MYO19: variants seen among roughly 807,000 people sequenced by gnomAD.
MYO19 encodes the protein myosin XIX, also known as unconventional myosin-XIX.
Under a neutral mutation model 129.2 loss-of-function variants are expected in MYO19, and 132 were observed. The ratio of observed to expected loss-of-function variants is 1.02; its 90% CI spans 0.89 to 1.18. MYO19 has a LOEUF of 1.18. MYO19 is among the 50% of genes most tolerant of loss of function. The pLI is 0.00. For synonymous variants in MYO19, 531 were observed against 477.2 expected (o/e 1.11, Z -1.47); for missense variants, 1,210 against 1,216.7 (o/e 0.99, Z 0.08).
chr17:36,496,141 C>T lies in MYO19; in HGVS notation c.*110G>A. On this transcript the variant is annotated 3_prime_UTR_variant, in exon 26 of 26. Transcript: ENST00000614623. ...GAAGGCTGGAGCCGTCACTGTTGTT[C>T]ATGTGCATTTGGAGCACTGTGGGAA... is the stretch of plus-strand genomic sequence containing the variant. The T allele has an allele frequency of 7.0e-7, 1 of 1,419,058 alleles. No individual in the cohort carries two copies. The highest frequency in any genetic ancestry group is 9.7e-7 in the Non-Finnish European group (1 of 1,027,214). 87.9% of individuals were successfully genotyped at this position (1,419,058 alleles called of 1,614,324 possible). A position where few individuals can be genotyped will look rare whatever the true frequency, so the allele number is the denominator to read the frequency against.
At chr17:36,497,635 A>C in intron 25 of MYO19, 1 of 761,138 alleles carries the variant, frequency 1.3e-6, no homozygotes, top group Non-Finnish European at 1.6e-6. Context: ...CCCAGGCTGG[A>C]GTGCAGCGGC....
intron 14 of MYO19, 142 bp from the exon 15 acceptor site, chr17:36,508,066 G>T: frequency 1.2e-6 from 1 of 864,732 alleles, no homozygotes; most frequent in Non-Finnish European, 1.7e-6. Context: ...CATGACACCT[G>T]TGGTGGGCAG....
At chr17:36,527,747 CCA>C (rs748648074) in intron 4 of MYO19, 48 bp from the exon 5 acceptor site, 6 of 1,575,498 alleles carry the variant, frequency 3.8e-6, no homozygotes, top group East Asian at 2.2e-5. Context: ...TATAGTCAAA[CCA>C]CACACACAGA....
At chr17:36,499,743 G>GT (rs1274237971) in intron 23 of MYO19, 2 of 113,908 alleles carry the variant, frequency 1.8e-5, no homozygotes, top group Non-Finnish European at 3.3e-5. Flanking sequence ...ACAGCTTATT[G>GT]TAGCCTCCGT....
chr17:36,505,751 G>A (rs930108889), intron 18 of MYO19, among the ~76,000 whole-genome samples: 6 of 152,132 alleles, frequency 3.9e-5, no homozygotes, highest in African/African-American at 7.2e-5. Flanking sequence ...CTTGCCATTC[G>A]TCCAGCAACA....
intron 5 of MYO19, among the ~76,000 whole-genome samples, chr17:36,526,093 A>C (rs537008111): frequency 1.3e-5 from 2 of 152,260 alleles, no homozygotes; most frequent in East Asian, 1.9e-4. Flanking sequence ...CAACTGTTCC[A>C]TATGGCGTCA....
At chr17:36,522,715 A>G (rs2073213276) in intron 6 of MYO19, among the ~76,000 whole-genome samples, 2 of 151,704 alleles carry the variant, frequency 1.3e-5, no homozygotes, top group African/African-American at 4.8e-5. Flanking sequence ...CTAAAAATAT[A>G]AAACTTAGCA....
intron 6 of MYO19, among the ~76,000 whole-genome samples, chr17:36,517,317 T>A (rs1240615266): frequency 1.3e-5 from 2 of 152,202 alleles, no homozygotes; most frequent in African/African-American, 2.4e-5. Flanking sequence ...TGGAGTGCAG[T>A]GGCACGATCT....
At chr17:36,500,040 G>C (rs1414781822) in intron 23 of MYO19, 1 of 151,926 alleles carries the variant, frequency 6.6e-6, no homozygotes, top group African/African-American at 2.4e-5. Context: ...TGTATTTTTA[G>C]TAGAGAAAGG....
chr17:36,501,041 T>TA, intron 22 of MYO19, 28 bp downstream of exon 22: 2 of 1,603,686 alleles, frequency 1.2e-6, no homozygotes, highest in Non-Finnish European at 1.7e-6. Flanking sequence ...CTTGCCTCTG[T>TA]AACCTCCTCA....
chr17:36,538,099 T>C (rs1404931890), upstream of MYO19: 4 of 1,614,096 alleles, frequency 2.5e-6, no homozygotes, highest in Admixed American at 5.0e-5. Flanking sequence ...CGATCACATA[T>C]CAAAGACTTG....
intron 6 of MYO19, among the ~76,000 whole-genome samples, chr17:36,516,769 CACTG>C (rs2142130530): frequency 6.6e-6 from 1 of 152,356 alleles, no homozygotes; most frequent in South Asian, 2.1e-4. Flanking sequence ...CATAGAAATA[CACTG>C]TCTTTACATA....
rs186358759 is a variant in MYO19, at chr17:36,522,639, G to A, written c.414+2589C>T. Among the ~76,000 whole-genome samples, 5 of 152,192 alleles carry A rather than the reference G, an allele frequency of 3.3e-5. No homozygotes were observed. In the East Asian group the frequency reaches 9.7e-4, roughly 29 times the overall value. On this transcript the variant is annotated intron_variant, in intron 6 of 25. Transcript: ENST00000614623. ...AAACCCAGCACTTTGGGAGGCCAAC[G>A]CGGGAAGATCACTTGAGGCCAGGAG... is the stretch of plus-strand genomic sequence containing the variant.
At chr17:36,537,408 T>C (rs762575873), upstream of MYO19, 4 of 1,614,020 alleles carry the variant, frequency 2.5e-6, no homozygotes, top group Admixed American at 6.7e-5. Flanking sequence ...AAGGAGGACC[T>C]GCTATGCCAG....
In MYO19 at chr17:36,513,618, G is replaced by A. The variant is rs1221016330; in HGVS notation, c.817+11C>T. ...GGGTCAGCGCAAGGTGCTGGATGGGGCTCCCCTTACCTTCTAAGCTCCTCT... is the reference window on the plus strand; with the variant it reads ...GGGTCAGCGCAAGGTGCTGGATGGGACTCCCCTTACCTTCTAAGCTCCTCT... On this transcript the variant is annotated intron_variant, in intron 10 of 25. Coordinates refer to ENST00000614623, the MANE Select transcript of MYO19 (RefSeq NM_001163735.2). 1.2e-6 allele frequency: 2 copies of A among 1,613,954 alleles called. No homozygotes were observed. Among genetic ancestry groups the A allele is most frequent in the African/African-American group, 2.7e-5 (2 of 75,062 alleles).
In MYO19 at chr17:36,499,063, G is replaced by A. The variant is rs767168320; in HGVS notation, c.2463+12C>T. The A allele has an allele frequency of 1.0e-5, 16 of 1,597,068 alleles. No homozygotes were observed. In the African/African-American group the frequency reaches 1.6e-4, roughly 16 times the overall value. ...ATCCACTGCCCACCCCGACTTCTTG[G>A]GTCTTACTTACTCTCCACTTCTGCC... is the stretch of plus-strand genomic sequence containing the variant. On this transcript the variant is annotated intron_variant, in intron 24 of 25. Transcript: ENST00000614623.
chr17:36,515,951 C>T lies in MYO19; in HGVS notation c.454G>A (p.Val152Met), dbSNP rs772495897. 2 of 1,613,682 alleles carry T rather than the reference C, an allele frequency of 1.2e-6. No homozygotes were observed. Among genetic ancestry groups the T allele is most frequent in the South Asian group, 1.1e-5 (1 of 91,056 alleles). ...SRCLMKFYAV[V>M]ATSPASWESH... ...TCCCAAGATGCAGGTGAGGTGGCCA[C>T]CACAGCATAGAACTTCATTAGGCAG... The change falls in exon 7 of 26, where the codon GTG (valine) becomes ATG (methionine). Residue 152 changes from valine (V) to methionine (M), a missense_variant. By Grantham distance (21) the Val-to-Met change is conservative. Coordinates refer to ENST00000614623, the MANE Select transcript of MYO19 (RefSeq NM_001163735.2).
At position 36,496,345 on chromosome 17, in the gene MYO19, G is replaced by A; in HGVS notation, c.2819C>T (p.Pro940Leu). The A allele has an allele frequency of 6.2e-7, 1 of 1,614,002 alleles. No individual in the cohort carries two copies. Among genetic ancestry groups the A allele is most frequent in the Non-Finnish European group, 8.5e-7 (1 of 1,179,882 alleles). ...PLRYADICPE[P>L]SPYSITGFNQ... The stretch of plus-strand genomic sequence containing the variant: ...AAAGCCTGTAATGCTGTAGGGTGAA[G>A]GTTCAGGGCAGATGTCAGCATACCG... The change falls in exon 26 of 26, where the codon CCT becomes CTT. Residue 940 changes from proline to leucine, a missense_variant. Transcript: ENST00000614623.
In MYO19 at chr17:36,495,866, GC is replaced by G. The variant is rs1299817038; in HGVS notation, c.*384del. 3 of 1,239,394 alleles carry G rather than the reference GC, an allele frequency of 2.4e-6. No homozygotes were observed. In the East Asian group the frequency reaches 9.3e-5, roughly 39 times the overall value. The allele number at this position is 1,239,394 out of a possible 1,614,324, so 76.8% of individuals were successfully genotyped here. On this transcript the variant is annotated 3_prime_UTR_variant, in exon 26 of 26. Transcript: ENST00000614623. ...GGAAATAACCACAAGATTTTTCCCA[GC>G]CCAAATTCCAGCGCCAATTTTAGGC...
Sources: gnomAD v4.1 joint callset for allele counts (sites outside exome capture counted in the v4.1 genomes callset) on GRCh38, gnomAD v4.1.1 for gene constraint, MANE v1.5 for transcripts, NCBI Gene and HGNC (gene_info 2026-07-23, HGNC 2026-07-21) for gene names.